Variants in SYNRG observed in about 807,000 individuals in gnomAD.
SYNRG encodes the protein synergin gamma.
A neutral mutation model predicts 130.9 loss-of-function variants in SYNRG; 37 were observed. The ratio of observed to expected loss-of-function variants is 0.28; its 90% CI spans 0.22 to 0.37. The LOEUF is 0.37. Among genes scored for constraint, SYNRG ranks in the 10% least tolerant of loss-of-function variants. SYNRG has a pLI of 1.00. For synonymous variants in SYNRG, 539 were observed against 568.1 expected (o/e 0.95, Z 0.73); for missense variants, 1,338 against 1,588.9 (o/e 0.84, Z 2.68).
chr17:37,533,934 T>C (rs904537713), intron 19 of SYNRG, among the ~76,000 whole-genome samples: 2 of 119,484 alleles, frequency 1.7e-5, no homozygotes, highest in African/African-American at 6.4e-5. Flanking sequence ...TTCTTTTTTT[T>C]TTTTTTTTTT....
At chr17:37,522,840 C>A (rs940628222) in intron 19 of SYNRG, among the ~76,000 whole-genome samples, 2 of 151,924 alleles carry the variant, frequency 1.3e-5, no homozygotes, top group Non-Finnish European at 2.9e-5. Context: ...GGGGTTTCAC[C>A]ATATTGGCCA....
At chr17:37,568,211 A>C (rs1029677972) in intron 11 of SYNRG, 4 of 152,286 alleles carry the variant, frequency 2.6e-5, no homozygotes, top group Non-Finnish European at 5.9e-5. Flanking sequence ...CTCAAAAAAA[A>C]ACTAAACATG....
At chr17:37,557,898 T>C (rs146790699) in intron 13 of SYNRG, among the ~76,000 whole-genome samples, 14 of 152,352 alleles carry the variant, frequency 9.2e-5, no homozygotes, top group African/African-American at 3.1e-4. Context: ...TGCTTACATT[T>C]TGGTGACACC....
chr17:37,544,450 G>A (rs903385371), intron 14 of SYNRG, among the ~76,000 whole-genome samples: 1 of 152,026 alleles, frequency 6.6e-6, no homozygotes, highest in African/African-American at 2.4e-5. Flanking sequence ...GATTAGTTGG[G>A]ATTACAGGCA....
rs946039533 is a variant in SYNRG at position 37,585,406 on chromosome 17, T to G, written c.396A>C (p.Lys132Asn). ...EQQKRFEQQQ[K>N]LLEEERKRRQ... ...GTCTTTTTCTTTCTTCTTCTAAGAG[T>G]TTTTGCTGCTGTTCAAATCGTTTCC... Residue 132 changes from lysine to asparagine, a missense_variant, in exon 5 of 22, where the codon AAA (lysine) becomes AAC (asparagine). Coordinates refer to ENST00000612223, the MANE Select transcript of SYNRG (RefSeq NM_007247.6). The G allele has an allele frequency of 6.2e-7, 1 of 1,613,316 alleles. No individual in the cohort carries two copies. Among genetic ancestry groups the G allele is most frequent in the Non-Finnish European group, 8.5e-7 (1 of 1,179,962 alleles).
At chr17:37,524,295 AT>A (rs1460112603) in intron 19 of SYNRG, among the ~76,000 whole-genome samples, 1 of 152,066 alleles carries the variant, frequency 6.6e-6, no homozygotes, top group Non-Finnish European at 1.5e-5. Context: ...TATGATCTGT[AT>A]TTTTCCTCAC....
At chr17:37,521,724 T>C (rs2055086053) in intron 19 of SYNRG, among the ~76,000 whole-genome samples, 1 of 152,124 alleles carries the variant, frequency 6.6e-6, no homozygotes, top group African/African-American at 2.4e-5. Context: ...TGGAGACAGA[T>C]ACCGATGGTC....
intron 6 of SYNRG, among the ~76,000 whole-genome samples, chr17:37,580,273 G>A (rs537227407): frequency 6.7e-6 from 1 of 149,034 alleles, no homozygotes; most frequent in South Asian, 2.1e-4. Context: ...GTTACCATAT[G>A]AGAAATAAAA....
In SYNRG at chr17:37,542,182, G is replaced by A. The variant is rs758604922; in HGVS notation, c.2992C>T (p.Arg998Trp). Residue 998 changes from arginine to tryptophan, a missense_variant, in exon 15 of 22, where the codon CGG becomes TGG. Arg to Trp is a moderately radical substitution (Grantham distance 101, BLOSUM62 -3). This residue lies in a region of SYNRG where 1,146 missense variants were observed against 1,342.3 expected (regional missense o/e 0.85). Coordinates refer to ENST00000612223, the MANE Select transcript of SYNRG (RefSeq NM_007247.6). ...FTKQDLPTAERSQEATCPSPA... is the reference protein window; with the variant it reads ...FTKQDLPTAEWSQEATCPSPA... ...CTGGGACACGTGGCCTCCTGGCTCC[G>A]TTCAGCCGTAGGCAGGTCCTGTTTT... The A allele has an allele frequency of 1.1e-5, 17 of 1,614,056 alleles. No individual in the cohort carries two copies. The highest frequency in any genetic ancestry group is 4.0e-5 in the African/African-American group (3 of 74,908).
intron 19 of SYNRG, among the ~76,000 whole-genome samples, chr17:37,534,560 C>T (rs921155399): frequency 1.3e-5 from 2 of 152,022 alleles, no homozygotes; most frequent in African/African-American, 4.8e-5. Flanking sequence ...ATTTCATTAT[C>T]ACCAAGTAAA....
rs911898826 is a variant in SYNRG at position 37,609,410 on chromosome 17, G to C, written c.-55C>G. On this transcript the variant is annotated 5_prime_UTR_variant, in exon 1 of 22. Coordinates refer to ENST00000612223, the MANE Select transcript of SYNRG (RefSeq NM_007247.6). ...GCCGCCACCTTATCAGCAGCTGTCA[G>C]CTGAACACAGCCACTTCCGGGTCAA... 3.8e-4 allele frequency: 520 copies of C among 1,358,904 alleles called. No individual in the cohort carries two copies. The highest frequency in any genetic ancestry group is 1.1e-3 in the South Asian group (62 of 58,326). 84.2% of individuals were successfully genotyped at this position (1,358,904 alleles called of 1,614,324 possible). A position where few individuals can be genotyped will look rare whatever the true frequency, so the allele number is the denominator to read the frequency against.
Position 37,568,831 on chromosome 17 carries a change from G to A in SYNRG, c.1441C>T (p.Pro481Ser). ...GAGTTACTTGTTTTTGAAGAAGCAGGCAACTCTTGGAAATCACTGAATGAG... is the reference window on the plus strand; with the variant it reads ...GAGTTACTTGTTTTTGAAGAAGCAGACAACTCTTGGAAATCACTGAATGAG... ...DDSFSDFQEL[P>S]ASSKTSNSQH... Residue 481 changes from proline (P) to serine (S), a missense_variant, in exon 11 of 22, where the codon CCT (proline) becomes TCT (serine). Pro to Ser is a moderately conservative substitution (Grantham distance 74). Around this residue, in one of 3 missense-constraint regions of SYNRG, gnomAD observed 1,146 missense variants for 1,342.3 expected, o/e 0.85. Transcript: ENST00000612223. 1 of 1,613,930 alleles carries A rather than the reference G, an allele frequency of 6.2e-7. No homozygotes were observed. Among genetic ancestry groups the A allele is most frequent in the Non-Finnish European group, 8.5e-7 (1 of 1,179,916 alleles).
chr17:37,560,029 C>A (rs1288076643), intron 13 of SYNRG, among the ~76,000 whole-genome samples: 1 of 152,138 alleles, frequency 6.6e-6, no homozygotes, highest in Non-Finnish European at 1.5e-5. Flanking sequence ...TCTGGAATAG[C>A]TGGGGCCACA....
At chr17:37,577,116 GA>G (rs2060898128) in intron 7 of SYNRG, among the ~76,000 whole-genome samples, 1 of 152,096 alleles carries the variant, frequency 6.6e-6, no homozygotes, top group African/African-American at 2.4e-5. Context: ...AAAATAAAAG[GA>G]AAGAAAATTT....
chr17:37,577,891 G>A (rs1309586693), intron 6 of SYNRG, among the ~76,000 whole-genome samples: 1 of 150,918 alleles, frequency 6.6e-6, no homozygotes, highest in Non-Finnish European at 1.5e-5. Context: ...GTAGAGACGG[G>A]GTTTCGCCAT....
rs771518293 is a variant in SYNRG, at chr17:37,554,054, T to G, written c.1669A>C (p.Ser557Arg). Residue 557 changes from serine to arginine, a missense_variant, in exon 14 of 22, where the codon AGC becomes CGC. By Grantham distance (110) the Ser-to-Arg change is moderately radical (BLOSUM62 -1). Coordinates refer to ENST00000612223, the MANE Select transcript of SYNRG (RefSeq NM_007247.6). ...CCTGCAGATCTGAATTCTGCAAAGC[T>G]TTCTCCTGAAAGAAAAAATACCACC... The part of the protein sequence containing the change: ...QTAENKPLGE[S>R]FAEFRSAGTD... The G allele has an allele frequency of 1.9e-6, 3 of 1,591,114 alleles. No individual in the cohort carries two copies. The highest frequency in any genetic ancestry group is 3.9e-5 in the Admixed American group (2 of 51,172).
chr17:37,574,987 G>C (rs1264431045), intron 8 of SYNRG, among the ~76,000 whole-genome samples: 1 of 152,128 alleles, frequency 6.6e-6, no homozygotes, highest in Non-Finnish European at 1.5e-5. Flanking sequence ...TTGAGATCCT[G>C]TCATTTCCAA....
At chr17:37,583,435 A>C (rs1044048699) in intron 6 of SYNRG, among the ~76,000 whole-genome samples, 2 of 152,134 alleles carry the variant, frequency 1.3e-5, no homozygotes, top group African/African-American at 4.8e-5. Flanking sequence ...TGGAATGGGA[A>C]TCTTAAGTGA....
intron 19 of SYNRG, among the ~76,000 whole-genome samples, chr17:37,523,484 G>A (rs985461541): frequency 3.3e-5 from 5 of 152,170 alleles, no homozygotes; most frequent in East Asian, 1.9e-4. Flanking sequence ...AGTAATAACG[G>A]TGTTTAACAA....
Sources: gnomAD v4.1 joint callset for allele counts (sites outside exome capture counted in the v4.1 genomes callset) on GRCh38, gnomAD v4.1.1 for gene constraint, gnomAD v4.1.1 regional missense constraint, MANE v1.5 for transcripts, NCBI Gene and HGNC (gene_info 2026-07-23, HGNC 2026-07-21) for gene names.